The following PTPRD variants were observed in gnomAD, a reference collection of about 807,000 sequenced individuals.
PTPRD encodes the protein protein tyrosine phosphatase receptor type D.
Under a neutral mutation model 214.5 loss-of-function variants are expected in PTPRD, and 34 were observed. The observed-to-expected ratio is 0.16, with a 90% confidence interval of 0.12 to 0.21. The LOEUF (loss-of-function observed/expected upper bound fraction) is 0.21, where lower values mean the gene tolerates loss of function less well. Ranked by LOEUF, PTPRD falls within the 10% of genes least tolerant of loss-of-function variation. The pLI is 1.00. For synonymous variants in PTPRD, 1,128 were observed against 845.7 expected (o/e 1.33, Z -5.79); for missense variants, 2,545 against 2,398.7 (o/e 1.06, Z -1.27).
At position 9,828,717 on chromosome 9, in the gene PTPRD, T is replaced by TC. The variant is rs563458447; in HGVS notation, c.-367-61867_-367-61866insG. Among the ~76,000 whole-genome samples, 831 of 150,850 alleles carry TC rather than the reference T, an allele frequency of 5.5e-3. 9 individuals are homozygous for TC. Among genetic ancestry groups the TC allele is most frequent in the African/African-American group, 0.018 (745 of 40,684 alleles). Reference sequence around the variant, plus strand: ...TAAAGGTAAGAACCTAAGCAGGATTTTTTTTTTTTTTACTTTGCTTGTAGT... The same window carrying TC: ...TAAAGGTAAGAACCTAAGCAGGATTTCTTTTTTTTTTTACTTTGCTTGTAGT... On this transcript the variant is annotated intron_variant, in intron 5 of 45. Coordinates refer to ENST00000381196, the MANE Select transcript of PTPRD (RefSeq NM_002839.4).
intron 4 of PTPRD, among the ~76,000 whole-genome samples, chr9:9,948,524 G>C (rs557404298): frequency 2.7e-3 from 411 of 152,214 alleles, no homozygotes; most frequent in Non-Finnish European, 3.8e-3. Flanking sequence ...GTAAAATGTA[G>C]AGATAAATTA....
At chr9:8,857,971 G>A (rs1264258628) in intron 11 of PTPRD, among the ~76,000 whole-genome samples, 4 of 98,894 alleles carry the variant, frequency 4.0e-5, no homozygotes, top group South Asian at 3.8e-4. Context: ...TCCTCTTCCC[G>A]GGCCGTCCTC....
At chr9:8,683,022 A>G (rs1403605278) in intron 12 of PTPRD, among the ~76,000 whole-genome samples, 1 of 152,238 alleles carries the variant, frequency 6.6e-6, no homozygotes, top group East Asian at 1.9e-4. Context: ...AGTTTTAACA[A>G]TAACTCCAAC....
At chr9:9,625,112 TA>T (rs1712032561) in intron 7 of PTPRD, among the ~76,000 whole-genome samples, 1 of 152,182 alleles carries the variant, frequency 6.6e-6, no homozygotes, top group Admixed American at 6.5e-5. Flanking sequence ...ACCAAGCCAT[TA>T]AAGTCCACAG....
intron 4 of PTPRD, among the ~76,000 whole-genome samples, chr9:10,013,741 G>T (rs1474679002): frequency 6.6e-6 from 1 of 151,896 alleles, no homozygotes; most frequent in African/African-American, 2.4e-5. Flanking sequence ...TGTTTTTCAA[G>T]GTGCTGTTTC....
rs528108788 is a variant in PTPRD at position 9,482,417 on chromosome 9, G to A, written c.-236-84935C>T. ...TTTTTAAAGCAGTTTTAGGTTCACA[G>A]CAAAATGGGGTAGAACGTTGAAGTG... On this transcript the variant is annotated intron_variant, in intron 8 of 45. Transcript: ENST00000381196. 2.6e-5 allele frequency among the ~76,000 whole-genome samples: 4 copies of A among 152,268 alleles called. No homozygotes were observed. The South Asian group carries it at 8.3e-4, about 32-fold the overall frequency.
intron 11 of PTPRD, among the ~76,000 whole-genome samples, chr9:8,941,781 T>C (rs2099035349): frequency 6.9e-6 from 1 of 145,210 alleles, no homozygotes; most frequent in South Asian, 2.4e-4. Flanking sequence ...GTAAAACAGA[T>C]AATAAAGGTC....
At chr9:10,114,833 T>C (rs1363381686) in intron 3 of PTPRD, among the ~76,000 whole-genome samples, 3 of 152,080 alleles carry the variant, frequency 2.0e-5, no homozygotes, top group Non-Finnish European at 2.9e-5. Context: ...ATTCATGTTA[T>C]AGTCCCAACT....
intron 9 of PTPRD, among the ~76,000 whole-genome samples, chr9:9,216,255 C>T (rs1684876634): frequency 6.6e-6 from 1 of 152,132 alleles, no homozygotes; most frequent in Admixed American, 6.6e-5. Context: ...AATATAGACA[C>T]AACAAATATT....
chr9:9,359,809 G>A (rs757338903), intron 9 of PTPRD, among the ~76,000 whole-genome samples: 4 of 151,228 alleles, frequency 2.6e-5, no homozygotes, highest in Non-Finnish European at 5.9e-5. Flanking sequence ...TTCAGCAGGT[G>A]TACGGAGTGC....
intron 2 of PTPRD, among the ~76,000 whole-genome samples, chr9:10,431,493 C>G (rs1478426056): frequency 1.3e-5 from 2 of 152,064 alleles, no homozygotes; most frequent in East Asian, 1.9e-4. Flanking sequence ...TCAGAGTGAA[C>G]AGGCAACCTA....
intron 9 of PTPRD, among the ~76,000 whole-genome samples, chr9:9,396,689 A>G (rs867830224): frequency 1.4e-4 from 21 of 152,176 alleles, no homozygotes; most frequent in Middle Eastern, 3.4e-3. Flanking sequence ...ACACTCTTTC[A>G]TAACATTTTC....
intron 4 of PTPRD, among the ~76,000 whole-genome samples, chr9:9,980,125 A>G (rs1003998320): frequency 1.3e-5 from 2 of 152,200 alleles, no homozygotes; most frequent in Non-Finnish European, 2.9e-5. Context: ...TCAATATTTC[A>G]AAATTAAGCA....
At chr9:10,137,701 TAAAAAAAAAA>T (rs76032048) in intron 3 of PTPRD, among the ~76,000 whole-genome samples, 1 of 72,040 alleles carries the variant, frequency 1.4e-5, no homozygotes, top group East Asian at 4.3e-4. Flanking sequence ...TAGAGTATAA[TAAAAAAAAAA>T]AAAAAAAAAA....
rs866831069 is a variant in PTPRD at position 10,403,389 on chromosome 9, G to C, written c.-599-62372C>G. On this transcript the variant is annotated intron_variant, in intron 2 of 45. Coordinates refer to ENST00000381196, the MANE Select transcript of PTPRD (RefSeq NM_002839.4). Reference sequence around the variant, plus strand: ...ATGCTTTAACTATTTTGAAATTTTAGTTAATTAATTTTTTTAATTTTAAAT... The same window carrying C: ...ATGCTTTAACTATTTTGAAATTTTACTTAATTAATTTTTTTAATTTTAAAT... 6.0e-5 allele frequency among the ~76,000 whole-genome samples: 9 copies of C among 150,724 alleles called. No homozygotes were observed. The East Asian group carries it at 7.9e-4, about 13-fold the overall frequency.
chr9:9,179,209 G>A (rs2099926672), intron 10 of PTPRD, among the ~76,000 whole-genome samples: 1 of 152,042 alleles, frequency 6.6e-6, no homozygotes, highest in Non-Finnish European at 1.5e-5. Flanking sequence ...ATATTTATAA[G>A]CATTGGCACT....
intron 2 of PTPRD, among the ~76,000 whole-genome samples, chr9:10,486,650 C>T (rs1285445512): frequency 1.3e-5 from 2 of 152,120 alleles, no homozygotes; most frequent in South Asian, 4.1e-4. Flanking sequence ...TAGTTTTACT[C>T]CATTGTAGTC....
intron 8 of PTPRD, among the ~76,000 whole-genome samples, chr9:9,411,598 T>G (rs1321617428): frequency 1.3e-5 from 2 of 152,174 alleles, no homozygotes; most frequent in Non-Finnish European, 2.9e-5. Flanking sequence ...GTTTCCGAAA[T>G]GAGAGCTAAA....
rs1035599534 is a variant in PTPRD, at chr9:8,892,866, T to C, written c.-104+125831A>G. ...AGAGAAATAAAAGCACACAGATAAT[T>C]CACTGAAGGAAGGAAGTGTGAGAGT... On this transcript the variant is annotated intron_variant, in intron 11 of 45. Transcript: ENST00000381196. Among the ~76,000 whole-genome samples, 4 of 151,974 alleles carry C rather than the reference T, an allele frequency of 2.6e-5. No homozygotes were observed. In the East Asian group the frequency reaches 5.8e-4, roughly 22 times the overall value.
Sources: allele counts gnomAD v4.1 joint callset (sites outside exome capture counted in the v4.1 genomes callset), GRCh38; gene constraint gnomAD v4.1.1; transcripts MANE v1.5; gene names NCBI Gene and HGNC (gene_info 2026-07-23, HGNC 2026-07-21).